The following TRAPPC9 variants were observed in gnomAD, a reference collection of about 807,000 sequenced individuals.
TRAPPC9 encodes trafficking protein particle complex subunit 9, also known as IKK2 binding protein.
In TRAPPC9, 83 loss-of-function variants were observed where a neutral mutation model predicts 124.0. That is an observed-to-expected ratio of 0.67 (90% CI 0.56 to 0.80). The LOEUF is 0.80. Among genes scored for constraint, TRAPPC9 ranks in the 30% least tolerant of loss-of-function variants. The pLI, the probability that TRAPPC9 is intolerant of heterozygous loss-of-function variation, is 0.00. For missense variants in TRAPPC9, 1,302 were observed against 1,508.3 expected (o/e 0.86, Z 2.27); for synonymous variants, 638 against 617.5 (o/e 1.03, Z -0.49).
intron 17 of TRAPPC9, among the ~76,000 whole-genome samples, chr8:140,094,566 A>G (rs1030186446): frequency 6.6e-6 from 1 of 152,162 alleles, no homozygotes; most frequent in Non-Finnish European, 1.5e-5. Context: ...ACCCAACACA[A>G]CTGGTACCTA....
intron 20 of TRAPPC9, among the ~76,000 whole-genome samples, chr8:139,908,237 G>T (rs1180572736): frequency 6.6e-6 from 1 of 152,180 alleles, no homozygotes; most frequent in African/African-American, 2.4e-5. Flanking sequence ...ATAACCTCCT[G>T]CCAGGCCCAC....
At position 139,988,803 on chromosome 8, in the gene TRAPPC9, G is replaced by A. The variant is rs1460708126; in HGVS notation, c.2733C>T (p.Phe911=). Residue 911 remains phenylalanine, a synonymous_variant, in exon 19 of 23, where the codon TTC becomes TTT. Coordinates refer to ENST00000438773, the MANE Select transcript of TRAPPC9 (RefSeq NM_001160372.4). ...TRQCHLLLDV[F]NSTEHELTVS... ...CGGTCAGCTCATGCTCGGTGGAGTT[G>A]AAGACATCCAGGAGCAGGTGACACT... 6.4e-7 allele frequency: 1 copy of A among 1,551,522 alleles called. No individual in the cohort carries two copies. The highest frequency in any genetic ancestry group is 8.7e-7 in the Non-Finnish European group (1 of 1,146,940).
intron 16 of TRAPPC9, among the ~76,000 whole-genome samples, chr8:140,221,941 CCTTGT>C (rs1351232714): frequency 6.6e-6 from 1 of 152,192 alleles, no homozygotes; most frequent in South Asian, 2.1e-4. Flanking sequence ...GACTATTCTA[CCTTGT>C]ATCAGTTACA....
intron 14 of TRAPPC9, among the ~76,000 whole-genome samples, chr8:140,279,601 C>T (rs897844815): frequency 2.6e-5 from 4 of 152,318 alleles, no homozygotes; most frequent in Middle Eastern, 6.8e-3. Flanking sequence ...CACATTCCTC[C>T]CCAGGGCCCA....
intron 17 of TRAPPC9, among the ~76,000 whole-genome samples, chr8:140,129,005 T>TATATTA (rs1563783126): frequency 1.0e-4 from 14 of 134,728 alleles, no homozygotes; most frequent in African/African-American, 3.9e-4. Context: ...ATATATATAT[T>TATATTA]AAAAAAAAAA....
intron 9 of TRAPPC9, among the ~76,000 whole-genome samples, chr8:140,334,604 C>T (rs2066986034): frequency 6.6e-6 from 1 of 151,788 alleles, no homozygotes; most frequent in Non-Finnish European, 1.5e-5. Flanking sequence ...GAGCCGAGAT[C>T]GTGCCATTGT....
At chr8:140,272,132 A>ATGATGATGGTGATGG (rs1250595231) in intron 15 of TRAPPC9, among the ~76,000 whole-genome samples, 5 of 138,756 alleles carry the variant, frequency 3.6e-5, no homozygotes, top group African/African-American at 1.3e-4. Flanking sequence ...GATGGTGGCG[A>ATGATGATGGTGATGG]TGGTGATGGT....
chr8:139,884,566 G>A (rs1440753445), intron 21 of TRAPPC9, among the ~76,000 whole-genome samples: 3 of 152,184 alleles, frequency 2.0e-5, no homozygotes, highest in Admixed American at 6.5e-5. Context: ...TAATCCCCCT[G>A]GGCCTGACCC....
chr8:140,289,791 C>A (rs754853753), intron 12 of TRAPPC9, among the ~76,000 whole-genome samples: 1 of 152,210 alleles, frequency 6.6e-6, no homozygotes, highest in East Asian at 1.9e-4. Context: ...CAGAAAGCCA[C>A]AGGAAAGGCC....
chr8:139,933,952 T>C (rs543804045), intron 19 of TRAPPC9: 4 of 152,348 alleles, frequency 2.6e-5, no homozygotes, highest in African/African-American at 4.8e-5. Flanking sequence ...TACTATGCTA[T>C]GTGGTTGCTA....
chr8:140,217,762 TC>T (rs2063231218), intron 17 of TRAPPC9, among the ~76,000 whole-genome samples: 1 of 152,112 alleles, frequency 6.6e-6, no homozygotes, highest in African/African-American at 2.4e-5. Context: ...ATGCCAGTAA[TC>T]CCAGCACTTT....
intron 21 of TRAPPC9, among the ~76,000 whole-genome samples, chr8:139,755,756 G>T (rs1297575745): frequency 2.3e-4 from 31 of 134,372 alleles, no homozygotes; most frequent in African/African-American, 4.1e-4. Context: ...CAGGTCGCAG[G>T]GGGAGCCAGG....
intron 21 of TRAPPC9, among the ~76,000 whole-genome samples, chr8:139,842,895 A>T (rs950869733): frequency 1.3e-5 from 2 of 152,142 alleles, no homozygotes; most frequent in Non-Finnish European, 2.9e-5. Context: ...CTCTAATCTT[A>T]AGCAGATTTT....
intron 17 of TRAPPC9, among the ~76,000 whole-genome samples, chr8:140,146,080 A>G (rs2061458030): frequency 6.6e-6 from 1 of 152,266 alleles, no homozygotes; most frequent in East Asian, 1.9e-4. Context: ...TACCTGGAAT[A>G]TAATAGTGAT....
intron 17 of TRAPPC9, among the ~76,000 whole-genome samples, chr8:140,181,349 C>A (rs1332583047): frequency 2.0e-5 from 3 of 152,196 alleles, no homozygotes; most frequent in Non-Finnish European, 4.4e-5. Flanking sequence ...CAACTTCCAC[C>A]TCCAGGGTCC....
At chr8:140,133,629 C>A (rs992241014) in intron 17 of TRAPPC9, among the ~76,000 whole-genome samples, 1 of 152,160 alleles carries the variant, frequency 6.6e-6, no homozygotes, top group Admixed American at 6.5e-5. Flanking sequence ...TCTCTGTATT[C>A]ACAGGTGACA....
chr8:139,913,221 C>T (rs1831868711), intron 19 of TRAPPC9, among the ~76,000 whole-genome samples: 1 of 152,208 alleles, frequency 6.6e-6, no homozygotes, highest in African/African-American at 2.4e-5. Flanking sequence ...GCTAACTCTG[C>T]CCATAAAACA....
chr8:140,144,992 G>A (rs188879038), intron 17 of TRAPPC9, among the ~76,000 whole-genome samples: 40 of 151,958 alleles, frequency 2.6e-4, no homozygotes, highest in African/African-American at 8.7e-4. Flanking sequence ...TCCTGCCTCA[G>A]GGGCCTCCCA....
At chr8:139,786,445 G>C (rs779996720) in intron 21 of TRAPPC9, among the ~76,000 whole-genome samples, 1 of 151,946 alleles carries the variant, frequency 6.6e-6, no homozygotes, top group African/African-American at 2.4e-5. Flanking sequence ...TGGAACTCTC[G>C]TGCACTGCCA....
Sources: gnomAD v4.1 joint callset for allele counts (sites outside exome capture counted in the v4.1 genomes callset) on GRCh38, gnomAD v4.1.1 for gene constraint, MANE v1.5 for transcripts, NCBI Gene and HGNC (gene_info 2026-07-23, HGNC 2026-07-21) for gene names.